SEPTIN11: variants seen among roughly 807,000 people sequenced by gnomAD.
The protein encoded by SEPTIN11 is septin 11.
SEPTIN11 carries 25 observed loss-of-function variants against 51.4 expected under a neutral mutation model. The observed-to-expected ratio is 0.49, with a 90% CI of 0.35 to 0.68. The LOEUF (loss-of-function observed/expected upper bound fraction) is 0.68. Ranked by LOEUF, SEPTIN11 falls within the 30% of genes least tolerant of loss-of-function variation. The pLI, the probability that SEPTIN11 is intolerant of heterozygous loss-of-function variation, is 0.00. For missense variants in SEPTIN11, 381 were observed against 520.8 expected (o/e 0.73, Z 2.61); for synonymous variants, 174 against 184.1 (o/e 0.95, Z 0.44).
chr4:76,990,936 A>C (rs1025873904), intron 1 of SEPTIN11, among the ~76,000 whole-genome samples: 2 of 152,162 alleles, frequency 1.3e-5, no homozygotes, highest in African/African-American at 4.8e-5. Context: ...CTTTTCCTCC[A>C]GCTTTGTAAA....
rs1578216109 is a variant in SEPTIN11, at chr4:77,034,868, A to G, written c.*356A>G. ...TGTACGTCTGACATGAAAACTTCTC[A>G]CCGCCTCAGCAGCTGAACTAAAAAC... On this transcript the variant is annotated 3_prime_UTR_variant, in exon 10 of 10. Transcript: ENST00000264893. 1 of 1,013,426 alleles carries G rather than the reference A, an allele frequency of 9.9e-7. No individual in the cohort carries two copies. The highest frequency in any genetic ancestry group is 1.2e-6 in the Non-Finnish European group (1 of 848,660). 62.8% of individuals were successfully genotyped at this position (1,013,426 alleles called of 1,614,324 possible).
chr4:77,027,515 C>G (rs1238674878), intron 7 of SEPTIN11, among the ~76,000 whole-genome samples: 2 of 152,194 alleles, frequency 1.3e-5, no homozygotes, highest in Admixed American at 1.3e-4. Context: ...CTCCTATCAC[C>G]TGAATTTCCT....
At chr4:77,019,753 C>T (rs1248778824) in intron 6 of SEPTIN11, among the ~76,000 whole-genome samples, 1 of 152,184 alleles carries the variant, frequency 6.6e-6, no homozygotes, top group African/African-American at 2.4e-5. Context: ...GAAAGCTTGT[C>T]ACGTGTGTCA....
intron 1 of SEPTIN11, among the ~76,000 whole-genome samples, chr4:76,951,125 G>A (rs1053285465): frequency 1.3e-4 from 20 of 152,202 alleles, no homozygotes; most frequent in Admixed American, 1.3e-3. Flanking sequence ...GCAAGGCTGT[G>A]CTCTCAGGCT....
intron 1 of SEPTIN11, among the ~76,000 whole-genome samples, chr4:76,988,741 C>G (rs938916771): frequency 6.6e-6 from 1 of 152,144 alleles, no homozygotes; most frequent in Non-Finnish European, 1.5e-5. Context: ...GAGATGTAGC[C>G]AAACAAAAAG....
intron 1 of SEPTIN11, among the ~76,000 whole-genome samples, chr4:76,988,802 A>G (rs1723185349): frequency 6.6e-6 from 1 of 152,388 alleles, no homozygotes; most frequent in East Asian, 1.9e-4. Context: ...TAACTTTCTT[A>G]GCTAATTCAT....
At chr4:77,021,021 G>A (rs13133058) in intron 7 of SEPTIN11, 1 of 192,212 alleles carries the variant, frequency 5.2e-6, no homozygotes, top group African/African-American at 2.3e-5. Flanking sequence ...CAGAGGTGCA[G>A]AGCCTGGTCG....
chr4:77,015,059 C>T (rs963123721), intron 5 of SEPTIN11, 42 bp downstream of exon 5: 10 of 1,595,466 alleles, frequency 6.3e-6, no homozygotes, highest in South Asian at 4.5e-5. Context: ...TTTTTATGAA[C>T]GCCTGTCTTA....
chr4:76,951,480 A>T (rs564487057), intron 1 of SEPTIN11, among the ~76,000 whole-genome samples: 2 of 152,020 alleles, frequency 1.3e-5, no homozygotes, highest in South Asian at 4.2e-4. Context: ...TAGTCGTTTT[A>T]TTTTTGGTGA....
In SEPTIN11 at chr4:77,035,903, TTCTC is replaced by T; in HGVS notation, c.*1395_*1398del. The T allele has an allele frequency of 1.0e-6, 1 of 985,924 alleles. No individual in the cohort carries two copies. 61.1% of individuals were successfully genotyped at this position (985,924 alleles called of 1,614,324 possible). A position where few individuals can be genotyped will look rare whatever the true frequency, so the allele number is the denominator to read the frequency against. ...CTCTACTAACAAGATCCTCCCAGCT[TTCTC>T]TCTACATGTAGAAAGGATAACATTT... On this transcript the variant is annotated 3_prime_UTR_variant, in exon 10 of 10. Coordinates refer to ENST00000264893, the MANE Select transcript of SEPTIN11 (RefSeq NM_018243.4).
At chr4:77,003,342 C>T (rs1191617237) in intron 2 of SEPTIN11, among the ~76,000 whole-genome samples, 1 of 152,128 alleles carries the variant, frequency 6.6e-6, no homozygotes, top group Admixed American at 6.5e-5. Context: ...AAGAGGAAAG[C>T]GGTTATGACA....
intron 2 of SEPTIN11, among the ~76,000 whole-genome samples, chr4:76,998,782 C>A (rs1723914682): frequency 6.6e-6 from 1 of 152,108 alleles, no homozygotes; most frequent in Admixed American, 6.5e-5. Flanking sequence ...GCTCTGTCAG[C>A]ATCACCAGCC....
At chr4:77,006,326 A>G (rs1724475247) in intron 3 of SEPTIN11, among the ~76,000 whole-genome samples, 1 of 152,166 alleles carries the variant, frequency 6.6e-6, no homozygotes, top group Admixed American at 6.5e-5. Flanking sequence ...TTTATAAACC[A>G]TGTAAGTTTG....
At chr4:76,997,514 A>G (rs1370456014) in intron 2 of SEPTIN11, among the ~76,000 whole-genome samples, 1 of 152,202 alleles carries the variant, frequency 6.6e-6, no homozygotes, top group Non-Finnish European at 1.5e-5. Flanking sequence ...ACTCTACTGC[A>G]TGTAGCCTCT....
chr4:77,018,428 A>T lies in SEPTIN11; in HGVS notation c.688-737A>T, dbSNP rs376181401. Among the ~76,000 whole-genome samples, 42 of 150,902 alleles carry T rather than the reference A, an allele frequency of 2.8e-4. No individual in the cohort carries two copies. In the East Asian group the frequency reaches 7.6e-3, roughly 27 times the overall value. On this transcript the variant is annotated intron_variant, in intron 5 of 9. Transcript: ENST00000264893. ...CGCGCCACTGCACTCCAGCCTGGGC[A>T]ACAGAGCGAGACTCCATCTCAAAAA...
At position 77,011,737 on chromosome 4, in the gene SEPTIN11, A is replaced by G. The variant is rs1724877594; in HGVS notation, c.341A>G (p.Tyr114Cys). ...AACATGCTGTTTCTGCATTCTAGCT[A>G]TAAGCCGATAGTAGAATATATTGAT... ...FGDQINKDDS[Y>C]KPIVEYIDAQ... Residue 114 changes from tyrosine to cysteine, a missense_variant and splice_region_variant, in exon 4 of 10, where the codon TAT becomes TGT. Coordinates refer to ENST00000264893, the MANE Select transcript of SEPTIN11 (RefSeq NM_018243.4). The G allele has an allele frequency of 1.9e-6, 3 of 1,613,700 alleles. No homozygotes were observed. Among genetic ancestry groups the G allele is most frequent in the Non-Finnish European group, 1.7e-6 (2 of 1,179,694 alleles).
At chr4:76,994,763 A>G (rs1723573242) in intron 1 of SEPTIN11, among the ~76,000 whole-genome samples, 1 of 152,164 alleles carries the variant, frequency 6.6e-6, no homozygotes, top group South Asian at 2.1e-4. Context: ...CTGTGCCTAT[A>G]TAGTGACCAC....
chr4:77,018,558 G>A (rs1222618622), intron 5 of SEPTIN11, among the ~76,000 whole-genome samples: 2 of 151,916 alleles, frequency 1.3e-5, no homozygotes, highest in Non-Finnish European at 2.9e-5. Flanking sequence ...TATTTTATCT[G>A]TATTTACATT....
rs1727148119 is a variant in SEPTIN11 at position 77,037,978 on chromosome 4, G to A, written c.*3466G>A. On this transcript the variant is annotated 3_prime_UTR_variant, in exon 10 of 10. Transcript: ENST00000264893. The stretch of plus-strand genomic sequence containing the variant: ...TTCCTTGCTTTCTTGACATTTCCAT[G>A]ACTGTTTCACATACAAACTATTGGG... 2 of 985,690 alleles carry A rather than the reference G, an allele frequency of 2.0e-6. No homozygotes were observed. The highest frequency in any genetic ancestry group is 1.2e-6 in the Non-Finnish European group (1 of 829,948). The allele number at this position is 985,690 out of a possible 1,614,324, so 61.1% of individuals were successfully genotyped here. A position where few individuals can be genotyped will look rare whatever the true frequency, so the allele number is the denominator to read the frequency against.
Sources: allele counts gnomAD v4.1 joint callset (sites outside exome capture counted in the v4.1 genomes callset), GRCh38; gene constraint gnomAD v4.1.1; transcripts MANE v1.5; gene names NCBI Gene and HGNC (gene_info 2026-07-23, HGNC 2026-07-21).